The following GRID2 variants were observed in gnomAD, a reference collection of about 807,000 sequenced individuals.
GRID2 encodes the protein glutamate ionotropic receptor delta type subunit 2.
GRID2 carries 33 observed loss-of-function variants against 114.8 expected under a neutral mutation model. The ratio of observed to expected loss-of-function variants is 0.29; its 90% CI spans 0.22 to 0.38. The LOEUF (loss-of-function observed/expected upper bound fraction) is 0.38. Among genes scored for constraint, GRID2 ranks in the 10% least tolerant of loss-of-function variants. GRID2 has a pLI of 1.00. For synonymous variants in GRID2, 505 were observed against 449.9 expected, an observed-to-expected ratio of 1.12 and a Z score of -1.55; for missense variants, 1,184 against 1,257.7, an observed-to-expected ratio of 0.94 and a Z score of 0.89.
chr4:93,406,673 T>G (rs1579977124), intron 9 of GRID2, among the ~76,000 whole-genome samples: 1 of 152,262 alleles, frequency 6.6e-6, no homozygotes, highest in East Asian at 1.9e-4. Flanking sequence ...GTATTTATCT[T>G]TGAGTTGTGT....
intron 2 of GRID2, among the ~76,000 whole-genome samples, chr4:92,722,380 G>A (rs1735851556): frequency 6.6e-6 from 1 of 152,018 alleles, no homozygotes; most frequent in African/African-American, 2.4e-5. Flanking sequence ...CTTACCTCAT[G>A]TTCTTTCTCT....
chr4:92,561,388 T>C (rs192061919), intron 1 of GRID2, among the ~76,000 whole-genome samples: 27 of 152,312 alleles, frequency 1.8e-4, no homozygotes, highest in African/African-American at 5.8e-4. Context: ...TAATAAACCA[T>C]CTCATTACAT....
intron 2 of GRID2, among the ~76,000 whole-genome samples, chr4:92,866,669 G>A (rs1018333208): frequency 3.3e-5 from 5 of 151,318 alleles, no homozygotes; most frequent in South Asian, 2.1e-4. Context: ...TCAGCCTCCC[G>A]AGTAGCTGGG....
chr4:92,634,027 A>G (rs1382728035), intron 2 of GRID2, among the ~76,000 whole-genome samples: 1 of 151,872 alleles, frequency 6.6e-6, no homozygotes, highest in Non-Finnish European at 1.5e-5. Flanking sequence ...GGGGTGTCCA[A>G]TCTTTTTGAT....
rs73839537 is a variant in GRID2, at chr4:93,452,287, G to A, written c.1546-3375G>A. Among the ~76,000 whole-genome samples, 749 of 152,208 alleles carry A rather than the reference G, an allele frequency of 4.9e-3. 4 individuals carry two copies. Among genetic ancestry groups the A allele is most frequent in the African/African-American group, 0.017 (724 of 41,540 alleles). On this transcript the variant is annotated intron_variant, in intron 10 of 15. Coordinates refer to ENST00000282020, the MANE Select transcript of GRID2 (RefSeq NM_001510.4). ...ATGAGCTTTGAAGTATATCCACTAC[G>A]TTCAACAATACAATAATTAAGAAGT...
At chr4:92,537,958 A>T (rs188919886) in intron 1 of GRID2, among the ~76,000 whole-genome samples, 5 of 152,066 alleles carry the variant, frequency 3.3e-5, no homozygotes, top group Non-Finnish European at 7.4e-5. Flanking sequence ...AGAAAATGTT[A>T]TCTTCTGTCC....
At chr4:93,047,999 T>C (rs1196459426) in intron 2 of GRID2, among the ~76,000 whole-genome samples, 2 of 152,024 alleles carry the variant, frequency 1.3e-5, no homozygotes, top group African/African-American at 4.8e-5. Context: ...AAATGGAGTA[T>C]ATTTTTGGAA....
chr4:92,805,239 TTC>T (rs376247479), intron 2 of GRID2, among the ~76,000 whole-genome samples: 11 of 150,640 alleles, frequency 7.3e-5, no homozygotes, highest in Non-Finnish European at 1.2e-4. Flanking sequence ...TTTGATACTT[TTC>T]TCTCTCTCTC....
Position 93,437,654 on chromosome 4 carries a change from T to C in GRID2, c.1545+14686T>C, listed in dbSNP as rs116240066. Among the ~76,000 whole-genome samples the C allele has an allele frequency of 6.4e-3, 981 of 152,238 alleles. 9 individuals carry two copies. The highest frequency in any genetic ancestry group is 0.022 in the African/African-American group (931 of 41,554). On this transcript the variant is annotated intron_variant, in intron 10 of 15. Coordinates refer to ENST00000282020, the MANE Select transcript of GRID2 (RefSeq NM_001510.4). ...CCTGTGTCTTCTTTCCATAAAAAAT[T>C]AAAACTTTTAGAAAGGACTGCAATA... is the stretch of plus-strand genomic sequence containing the variant.
At chr4:93,703,548 G>C (rs1354775852) in intron 14 of GRID2, among the ~76,000 whole-genome samples, 1 of 151,906 alleles carries the variant, frequency 6.6e-6, no homozygotes, top group Non-Finnish European at 1.5e-5. Context: ...ACAACGTGCA[G>C]GTTAGTTACA....
chr4:92,636,900 T>G (rs184525824), intron 2 of GRID2, among the ~76,000 whole-genome samples: 98 of 152,034 alleles, frequency 6.4e-4, no homozygotes, highest in Admixed American at 1.2e-3. Context: ...TTTGTAAGAG[T>G]AAGGGAAATT....
intron 8 of GRID2, among the ~76,000 whole-genome samples, chr4:93,385,724 A>AT (rs1764252471): frequency 6.6e-6 from 1 of 152,022 alleles, no homozygotes; most frequent in Non-Finnish European, 1.5e-5. Flanking sequence ...ATATAAAAAA[A>AT]AATTCACAAA....
intron 1 of GRID2, among the ~76,000 whole-genome samples, chr4:92,467,671 C>T (rs2149092965): frequency 6.6e-6 from 1 of 152,088 alleles, no homozygotes; most frequent in East Asian, 1.9e-4. Context: ...AAAAGCATCT[C>T]TTCTCTTAAT....
intron 8 of GRID2, among the ~76,000 whole-genome samples, chr4:93,335,521 A>T (rs1758966283): frequency 6.6e-6 from 1 of 152,198 alleles, no homozygotes; most frequent in Admixed American, 6.5e-5. Flanking sequence ...GGGCACAGGC[A>T]ATACAAACCT....
chr4:93,762,600 G>C (rs1458377832), intron 14 of GRID2, among the ~76,000 whole-genome samples: 13 of 152,136 alleles, frequency 8.5e-5, no homozygotes, highest in Non-Finnish European at 1.6e-4. Context: ...CAGGAGAAGA[G>C]AAAGGCAAGA....
At chr4:92,455,991 A>G (rs973965682) in intron 1 of GRID2, among the ~76,000 whole-genome samples, 6 of 152,188 alleles carry the variant, frequency 3.9e-5, no homozygotes, top group African/African-American at 9.6e-5. Context: ...CTTATTTCAT[A>G]TATTTGGAAA....
chr4:93,683,212 C>T (rs1267364347), intron 14 of GRID2, among the ~76,000 whole-genome samples: 2 of 151,956 alleles, frequency 1.3e-5, no homozygotes, highest in Non-Finnish European at 2.9e-5. Flanking sequence ...CACCTATAGG[C>T]CTGCTTCTAA....
In GRID2 at chr4:93,339,082, G is replaced by A. The variant is rs143655109; in HGVS notation, c.1246-56525G>A. 2.0e-4 allele frequency among the ~76,000 whole-genome samples: 30 copies of A among 152,268 alleles called. No individual in the cohort carries two copies. In the East Asian group the frequency reaches 5.8e-3, roughly 29 times the overall value. ...CTGAGGCCTTCTGCCAACAAACAGAGCTCCTACCTATTCTGGAGGCATTGC... is the reference window on the plus strand; with the variant it reads ...CTGAGGCCTTCTGCCAACAAACAGAACTCCTACCTATTCTGGAGGCATTGC... On this transcript the variant is annotated intron_variant, in intron 8 of 15. Coordinates refer to ENST00000282020, the MANE Select transcript of GRID2 (RefSeq NM_001510.4).
intron 6 of GRID2, among the ~76,000 whole-genome samples, chr4:93,218,507 T>C (rs1744496948): frequency 6.6e-6 from 1 of 152,070 alleles, no homozygotes. Context: ...TGAGTCCCTA[T>C]TTCAAAATAA....
Sources: allele counts gnomAD v4.1 joint callset (sites outside exome capture counted in the v4.1 genomes callset), GRCh38; gene constraint gnomAD v4.1.1; transcripts MANE v1.5; gene names NCBI Gene and HGNC (gene_info 2026-07-23, HGNC 2026-07-21).